The following MUC5AC variants were observed in gnomAD, a reference collection of about 807,000 sequenced individuals.
The protein encoded by MUC5AC is mucin-5AC.
In MUC5AC, 158 loss-of-function variants were observed where a neutral mutation model predicts 169.7. The observed-to-expected ratio is 0.93, with a 90% CI of 0.82 to 1.06. The LOEUF (loss-of-function observed/expected upper bound fraction) is 1.06, where lower values mean the gene tolerates loss of function less well. Ranked by LOEUF, MUC5AC falls within the 50% of genes least tolerant of loss-of-function variation. MUC5AC has a pLI of 0.00. For synonymous variants in MUC5AC, 1,975 were observed against 1,237.0 expected, an observed-to-expected ratio of 1.60 and a Z score of -12.52; for missense variants, 4,359 against 3,089.9, an observed-to-expected ratio of 1.41 and a Z score of -9.74.
chr11:1,168,174 G>A (rs542149523), intron 12 of MUC5AC, among the ~76,000 whole-genome samples, 187 bp downstream of exon 12: 3 of 152,188 alleles, frequency 2.0e-5, no homozygotes, highest in Non-Finnish European at 2.9e-5. Context: ...GCTCAGGGCC[G>A]GGCCTCCCGG....
Position 1,197,917 on chromosome 11 carries a change from C to T in MUC5AC, c.16048C>T (p.Arg5350Cys), listed in dbSNP as rs76464011. 7.2e-5 allele frequency: 52 copies of T among 727,150 alleles called. No homozygotes were observed. Among genetic ancestry groups the T allele is most frequent in the East Asian group, 3.6e-4 (14 of 39,260 alleles). 45.0% of individuals were successfully genotyped at this position (727,150 alleles called of 1,614,324 possible). The change falls in exon 42 of 49, where the codon CGC becomes TGC. Residue 5350 changes from arginine (R) to cysteine (C), a missense_variant. By Grantham distance (180) the Arg-to-Cys change is radical. Transcript: ENST00000621226. ...CGCCCCCGCAGCCTGCAACACCAGC[C>T]GCTGCCCCGCGCCCGTGGGCTGTCC... ...PQYSCACNTS[R>C]CPAPVGCPEG... is the part of the protein sequence containing the mutation.
At chr11:1,159,120 C>T (rs562076459) in intron 1 of MUC5AC, among the ~76,000 whole-genome samples, 6 of 152,190 alleles carry the variant, frequency 3.9e-5, no homozygotes, top group South Asian at 2.1e-4. Context: ...GTCTCCCCCA[C>T]GGGGCTTGCA....
rs764492593 is a variant in MUC5AC at position 1,192,299 on chromosome 11, C to T, written c.14154C>T (p.Tyr4718=). Residue 4718 remains tyrosine (Y), a synonymous_variant, in exon 31 of 49, where the codon TAC becomes TAT. Transcript: ENST00000621226. ...GACCCTTCAAGATGTGCCTCAACTA[C>T]GAGGTGCGCGTGCTCTGCTGCGAGA... ...QQGPFKMCLN[Y]EVRVLCCETP... The T allele has an allele frequency of 1.7e-5, 13 of 765,072 alleles. No homozygotes were observed. Among genetic ancestry groups the T allele is most frequent in the East Asian group, 9.7e-5 (4 of 41,250 alleles). 47.4% of individuals were successfully genotyped at this position (765,072 alleles called of 1,614,324 possible). A position where few individuals can be genotyped will look rare whatever the true frequency, so the allele number is the denominator to read the frequency against.
In MUC5AC at chr11:1,198,310, G is replaced by C. The variant is rs1456505874; in HGVS notation, c.16173+5G>C. The stretch of plus-strand genomic sequence containing the variant: ...ATCAACGGGACCCTGTACCAGGTAA[G>C]AGCCACGGAGCTCAGACCCCCTCAG... On this transcript the variant is annotated splice_donor_5th_base_variant and intron_variant, in intron 43 of 48. Transcript: ENST00000621226. The C allele has an allele frequency of 1.3e-6, 1 of 749,004 alleles. No homozygotes were observed. Among genetic ancestry groups the C allele is most frequent in the Non-Finnish European group, 2.4e-6 (1 of 410,460 alleles). 46.4% of individuals were successfully genotyped at this position (749,004 alleles called of 1,614,324 possible).
chr11:1,187,889 C>T lies in MUC5AC; in HGVS notation c.9744C>T (p.Thr3248=). 2.6e-6 allele frequency: 2 copies of T among 760,936 alleles called. No homozygotes were observed. The highest frequency in any genetic ancestry group is 2.4e-5 in the East Asian group (1 of 41,220). The allele number at this position is 760,936 out of a possible 1,614,324, so 47.1% of individuals were successfully genotyped here. A position where few individuals can be genotyped will look rare whatever the true frequency, so the allele number is the denominator to read the frequency against. The part of the protein sequence containing the change: ...SPGPHGGDKE[T]YNNIIRSGEK... ...GACCCCACGGCGGGGACAAGGAAAC[C>T]TACAACAACATCATCAGGAGTGGGG... Residue 3248 remains threonine, a synonymous_variant, in exon 31 of 49, where the codon ACC becomes ACT. Coordinates refer to ENST00000621226, the MANE Select transcript of MUC5AC (RefSeq NM_001304359.2).
At position 1,163,974 on chromosome 11, in the gene MUC5AC, A is replaced by G; in HGVS notation, c.772A>G (p.Asn258Asp). The change falls in exon 7 of 49, where the codon AAC becomes GAC. Residue 258 changes from asparagine (N) to aspartate (D), a missense_variant. Asn to Asp is a conservative substitution (Grantham distance 23, BLOSUM62 1). Transcript: ENST00000621226. ...GGACCCTGTCCCTGAACCCCCGAGG[A>G]ACTGCTCCACTGGCTTTGTAAGCCT... Reference protein sequence around the residue: ...CQDPVPEPPRNCSTGFGICEE... With the variant: ...CQDPVPEPPRDCSTGFGICEE... The G allele has an allele frequency of 6.2e-7, 1 of 1,610,988 alleles. No individual in the cohort carries two copies. Among genetic ancestry groups the G allele is most frequent in the Non-Finnish European group, 8.5e-7 (1 of 1,179,222 alleles).
intron 41 of MUC5AC, 129 bp from the exon 42 acceptor site, chr11:1,197,774 G>T (rs886443032): frequency 3.2e-6 from 2 of 628,612 alleles, no homozygotes; most frequent in Admixed American, 2.3e-5. Context: ...CTCCGCTTCC[G>T]CAACAGCCTC....
intron 1 of MUC5AC, among the ~76,000 whole-genome samples, chr11:1,159,240 C>G (rs940259880): frequency 6.6e-6 from 1 of 151,820 alleles, no homozygotes; most frequent in African/African-American, 2.4e-5. Context: ...GACCCCTATG[C>G]CAGTTGCGGG....
Position 1,195,907 on chromosome 11 carries a change from C to T in MUC5AC, c.15490C>T (p.Pro5164Ser). Reference protein sequence around the residue: ...VFEPCHTVIPPLLFYEGCVFD... With the variant: ...VFEPCHTVIPSLLFYEGCVFD... ...TGAGCCGTGCCACACTGTGATCCCC[C>T]CACTGCTGTTCTATGAGGGCTGCGT... The change falls in exon 37 of 49, where the codon CCA (proline) becomes TCA (serine). Residue 5164 changes from proline to serine, a missense_variant. Physicochemically the swap from Pro to Ser is moderately conservative, Grantham distance 74. Transcript: ENST00000621226. 1 of 764,998 alleles carries T rather than the reference C, an allele frequency of 1.3e-6. No individual in the cohort carries two copies. 47.4% of individuals were successfully genotyped at this position (764,998 alleles called of 1,614,324 possible).
rs773838793 is a variant in MUC5AC, at chr11:1,162,634, T to C, written c.576T>C (p.Asp192=). 5 of 1,612,622 alleles carry C rather than the reference T, an allele frequency of 3.1e-6. No individual in the cohort carries two copies. Among genetic ancestry groups the C allele is most frequent in the Non-Finnish European group, 4.2e-6 (5 of 1,179,782 alleles). ...GCCTTGTCCTCATGTGGAACCACGA[T>C]GACAGCCTGCTGGTGAGGCTGGGTG... is the stretch of plus-strand genomic sequence containing the variant. ...RLGLVLMWNH[D]DSLLLELDTK... Residue 192 remains aspartate, a synonymous_variant, in exon 5 of 49, where the codon GAT becomes GAC. Coordinates refer to ENST00000621226, the MANE Select transcript of MUC5AC (RefSeq NM_001304359.2).
At chr11:1,174,291 C>T (rs1860621197) in intron 16 of MUC5AC, among the ~76,000 whole-genome samples, 1 of 152,268 alleles carries the variant, frequency 6.6e-6, no homozygotes, top group Non-Finnish European at 1.5e-5. Context: ...GTAACCCCTG[C>T]TCTGCACAGT....
Position 1,160,627 on chromosome 11 carries a change from GCTC to G in MUC5AC, c.94_96del (p.Ser32del). On this transcript the variant is annotated inframe_deletion, in exon 2 of 49. Coordinates refer to ENST00000621226, the MANE Select transcript of MUC5AC (RefSeq NM_001304359.2). Reference sequence around the variant, plus strand: ...CTTTCTGCAGGCCATGCCCAGGATGGCTCCTCCGAATCCAGCTACAAGCACCAC... The same window carrying G: ...CTTTCTGCAGGCCATGCCCAGGATGGCTCCGAATCCAGCTACAAGCACCAC... 1 of 1,609,238 alleles carries G rather than the reference GCTC, an allele frequency of 6.2e-7. No individual in the cohort carries two copies. Among genetic ancestry groups the G allele is most frequent in the Admixed American group, 1.7e-5 (1 of 59,904 alleles).
chr11:1,190,646 C>A lies in MUC5AC; in HGVS notation c.12501C>A (p.Thr4167=), dbSNP rs1325350083. 1 of 693,982 alleles carries A rather than the reference C, an allele frequency of 1.4e-6. No homozygotes were observed. The highest frequency in any genetic ancestry group is 2.0e-5 in the Admixed American group (1 of 49,622). 43.0% of individuals were successfully genotyped at this position (693,982 alleles called of 1,614,324 possible). The change falls in exon 31 of 49, where the codon ACC becomes ACA. Residue 4167 remains threonine (T), a synonymous_variant. Coordinates refer to ENST00000621226, the MANE Select transcript of MUC5AC (RefSeq NM_001304359.2). Reference sequence around the variant, plus strand: ...CCAGCACAACCTCTGCTCCAACAACCAGCACAAACTCTGCTCCTACAACCA... The same window carrying A: ...CCAGCACAACCTCTGCTCCAACAACAAGCACAAACTCTGCTCCTACAACCA... ...PTTSTTSAPT[T]STNSAPTTST... is the part of the protein sequence containing the mutation.
In MUC5AC at chr11:1,194,315, C is replaced by T. The variant is rs561117135; in HGVS notation, c.14961C>T (p.Arg4987=). 5.5e-5 allele frequency: 41 copies of T among 739,474 alleles called. No homozygotes were observed. Among genetic ancestry groups the T allele is most frequent in the Admixed American group, 1.1e-4 (6 of 54,294 alleles). The allele number at this position is 739,474 out of a possible 1,614,324, so 45.8% of individuals were successfully genotyped here. ...TCATCCTGGAGTACCACCAGGACCG[C>T]GTGGTGCTGACCCGCAAGCCAGTCC... ...RSIILEYHQD[R]VVLTRKPVHG... The change falls in exon 34 of 49, where the codon CGC becomes CGT. Residue 4987 remains arginine, a synonymous_variant. Transcript: ENST00000621226.
chr11:1,192,972 C>T lies in MUC5AC; in HGVS notation c.14570C>T (p.Pro4857Leu), dbSNP rs1274871462. Residue 4857 changes from proline to leucine, a missense_variant, in exon 32 of 49, where the codon CCC becomes CTC. Pro to Leu is a moderately conservative substitution (Grantham distance 98). Transcript: ENST00000621226. ...VTELGCPNAVPPRKKGETWAT... is the reference protein window; with the variant it reads ...VTELGCPNAVLPRKKGETWAT... ...GAGCTGGGATGCCCAAATGCGGTTC[C>T]CCCCAGAAAGGTAACCCCCTACTTC... 1.1e-5 allele frequency: 8 copies of T among 716,848 alleles called. No individual in the cohort carries two copies. The highest frequency in any genetic ancestry group is 2.1e-5 in the Non-Finnish European group (8 of 389,518). 44.4% of individuals were successfully genotyped at this position (716,848 alleles called of 1,614,324 possible).
At chr11:1,161,441 G>C (rs538969153) in intron 2 of MUC5AC, 86 bp from the exon 3 acceptor site, 8 of 1,154,286 alleles carry the variant, frequency 6.9e-6, no homozygotes, top group African/African-American at 1.6e-5. Flanking sequence ...GCTGGGACCT[G>C]CTGACTCTGG....
chr11:1,196,757 G>A, intron 39 of MUC5AC, 37 bp downstream of exon 39: 1 of 733,686 alleles, frequency 1.4e-6, no homozygotes, highest in Non-Finnish European at 2.5e-6. Flanking sequence ...GGTGTGGCAG[G>A]ACTGGGCCTG....
In MUC5AC at chr11:1,187,683, A is replaced by C. The variant is rs1860988209; in HGVS notation, c.9538A>C (p.Thr3180Pro). ...TSTTSASTTS[T>P]TPGPGTTPSP... ...CACCACTTCTGCCTCTACAACCAGC[A>C]CAACCCCTGGTCCTGGAACCACTCC... Residue 3180 changes from threonine to proline, a missense_variant, in exon 31 of 49, where the codon ACA (threonine) becomes CCA (proline). Physicochemically the swap from Thr to Pro is conservative, Grantham distance 38. Coordinates refer to ENST00000621226, the MANE Select transcript of MUC5AC (RefSeq NM_001304359.2). The C allele has an allele frequency of 2.6e-6, 2 of 764,984 alleles. No homozygotes were observed. The highest frequency in any genetic ancestry group is 2.4e-6 in the Non-Finnish European group (1 of 417,836). 47.4% of individuals were successfully genotyped at this position (764,984 alleles called of 1,614,324 possible).
Position 1,186,004 on chromosome 11 carries a change from C to G in MUC5AC, c.7859C>G (p.Thr2620Arg). 1 of 727,928 alleles carries G rather than the reference C, an allele frequency of 1.4e-6. No homozygotes were observed. The highest frequency in any genetic ancestry group is 2.5e-5 in the East Asian group (1 of 39,348). 45.1% of individuals were successfully genotyped at this position (727,928 alleles called of 1,614,324 possible). A position where few individuals can be genotyped will look rare whatever the true frequency, so the allele number is the denominator to read the frequency against. The change falls in exon 31 of 49, where the codon ACA becomes AGA. Residue 2620 changes from threonine (T) to arginine (R), a missense_variant. By Grantham distance (71) the Thr-to-Arg change is moderately conservative (BLOSUM62 -1). Transcript: ENST00000621226. ...ACAAACTCTGCCCCTATAAGCAGCA[C>G]AACCTCTGCCACTACAACCAGCAGA... ...TSTNSAPISS[T>R]TSATTTSRIS... is the part of the protein sequence containing the mutation.
Sources: gnomAD v4.1 joint callset for allele counts (sites outside exome capture counted in the v4.1 genomes callset) on GRCh38, gnomAD v4.1.1 for gene constraint, MANE v1.5 for transcripts, NCBI Gene and HGNC (gene_info 2026-07-23, HGNC 2026-07-21) for gene names.